PPP1R10: variants seen among roughly 807,000 people sequenced by gnomAD.
PPP1R10 encodes protein phosphatase 1 regulatory subunit 10.
Under a neutral mutation model 99.0 loss-of-function variants are expected in PPP1R10, and 15 were observed. The ratio of observed to expected loss-of-function variants is 0.15; its 90% CI spans 0.10 to 0.23. PPP1R10 has a LOEUF of 0.23. PPP1R10 is among the 10% of genes least tolerant of loss of function. The pLI, the probability that PPP1R10 is intolerant of heterozygous loss-of-function variation, is 1.00. For missense variants in PPP1R10, 947 were observed against 1,259.4 expected (o/e 0.75, Z 3.75); for synonymous variants, 430 against 449.5 (o/e 0.96, Z 0.55).
Position 30,603,190 on chromosome 6 carries a change from G to C in PPP1R10, c.1843+20C>G, listed in dbSNP as rs769850979. On this transcript the variant is annotated intron_variant, in intron 17 of 19. Coordinates refer to ENST00000376511, the MANE Select transcript of PPP1R10 (RefSeq NM_002714.4). ...GCAGGCTTCCTCCCCCAGTCCCCTGGGGCTGGCCCTGAAGATTACCCAGCA... is the reference window on the plus strand; with the variant it reads ...GCAGGCTTCCTCCCCCAGTCCCCTGCGGCTGGCCCTGAAGATTACCCAGCA... 6.2e-7 allele frequency: 1 copy of C among 1,600,986 alleles called. No individual in the cohort carries two copies. The highest frequency in any genetic ancestry group is 1.3e-5 in the African/African-American group (1 of 74,558).
In PPP1R10 at chr6:30,602,290, G is replaced by A. The variant is rs1803418333; in HGVS notation, c.2359C>T (p.Pro787Ser). The A allele has an allele frequency of 2.5e-6, 4 of 1,612,366 alleles. No individual in the cohort carries two copies. The highest frequency in any genetic ancestry group is 3.3e-5 in the Admixed American group (2 of 59,962). The change falls in exon 19 of 20, where the codon CCT (proline) becomes TCT (serine). Residue 787 changes from proline to serine, a missense_variant. Physicochemically the swap from Pro to Ser is moderately conservative, Grantham distance 74. Coordinates refer to ENST00000376511, the MANE Select transcript of PPP1R10 (RefSeq NM_002714.4). This position sits in a 1 kb window ranked among gnomAD's most constrained non-coding sequence, Gnocchi z 6.7. ...CCACCCCCACCCATGCTACCACCAG[G>A]GCCTTCATGGGGGCGATGCCCACTT... is the stretch of plus-strand genomic sequence containing the variant. ...MGSGHRPHEG[P>S]GGSMGGGGGH...
At chr6:30,608,336 C>T (rs1382866124) in intron 5 of PPP1R10, among the ~76,000 whole-genome samples, 1 of 148,874 alleles carries the variant, frequency 6.7e-6, no homozygotes, top group Non-Finnish European at 1.5e-5. Flanking sequence ...AAGTCTCACT[C>T]TGTCGCCCAG....
chr6:30,611,098 CAGG>C (rs1445268863), intron 2 of PPP1R10, among the ~76,000 whole-genome samples: 1 of 152,182 alleles, frequency 6.6e-6, no homozygotes, highest in East Asian at 1.9e-4. Context: ...TCCTTGAGCG[CAGG>C]AGTTTGAAAC....
rs1430327287 is a variant in PPP1R10 at position 30,604,138 on chromosome 6, G to A, written c.1378C>T (p.Pro460Ser). 1.9e-6 allele frequency: 3 copies of A among 1,613,982 alleles called. No individual in the cohort carries two copies. Among genetic ancestry groups the A allele is most frequent in the African/African-American group, 1.3e-5 (1 of 74,874 alleles). The change falls in exon 14 of 20, where the codon CCC (proline) becomes TCC (serine). Residue 460 changes from proline to serine, a missense_variant. This residue lies in a region of PPP1R10 where 50 missense variants were observed against 78.6 expected (regional missense o/e 0.64). Transcript: ENST00000376511. This position sits in a 1 kb window ranked among gnomAD's most constrained non-coding sequence, Gnocchi z 7.3. The part of the protein sequence containing the change: ...LSHDNMEEKV[P>S]WVCPRPLVLP... ...ACCAGGGGCCGGGGGCACACCCAGG[G>A]CACCTTCTCCTCCATGTTATCATGG... is the stretch of plus-strand genomic sequence containing the variant.
chr6:30,608,656 CTATT>C (rs1804221566), intron 5 of PPP1R10, 119 bp downstream of exon 5: 2 of 1,249,950 alleles, frequency 1.6e-6, no homozygotes, highest in Non-Finnish European at 1.1e-6. Context: ...TTCTAAATTC[CTATT>C]TTTTTTCTGC....
Position 30,602,485 on chromosome 6 carries a change from A to G in PPP1R10, c.2164T>C (p.Phe722Leu). ...GAGCGACCTCCTCTGGCGCCTCGGA[A>G]TGGAGGAGGAGGAGGAGGAGGTTCG... ...GNEPPPPPPP[F>L]RGARGGRSGG... Residue 722 changes from phenylalanine (F) to leucine (L), a missense_variant, in exon 19 of 20, where the codon TTC (phenylalanine) becomes CTC (leucine). Phe to Leu is a conservative substitution (Grantham distance 22). This residue lies in a region of PPP1R10 where 525 missense variants were observed against 578.8 expected (regional missense o/e 0.91). Coordinates refer to ENST00000376511, the MANE Select transcript of PPP1R10 (RefSeq NM_002714.4). The surrounding 1 kb of genome is among the most constrained non-coding windows in gnomAD (Gnocchi z 6.7). 1 of 1,569,350 alleles carries G rather than the reference A, an allele frequency of 6.4e-7. No homozygotes were observed. Among genetic ancestry groups the G allele is most frequent in the Non-Finnish European group, 8.7e-7 (1 of 1,153,850 alleles).
chr6:30,603,984 G>C (rs1033834991), intron 14 of PPP1R10, 24 bp downstream of exon 14: 2 of 1,558,392 alleles, frequency 1.3e-6, no homozygotes, highest in African/African-American at 2.7e-5. Flanking sequence ...CAACATCCCA[G>C]GGCACGAACC....
Position 30,602,938 on chromosome 6 carries a change from G to A in PPP1R10, c.1865C>T (p.Pro622Leu). 6.4e-7 allele frequency: 1 copy of A among 1,551,670 alleles called. No individual in the cohort carries two copies. The highest frequency in any genetic ancestry group is 8.7e-7 in the Non-Finnish European group (1 of 1,146,998). ...QMLVPHGLLGPGPIANGFPPG... is the reference protein window; with the variant it reads ...QMLVPHGLLGLGPIANGFPPG... ...TGGGAAACCATTGGCTATTGGGCCA[G>A]GGCCTAGGAGTCCATGTGGCACTGT... The change falls in exon 18 of 20, where the codon CCT (proline) becomes CTT (leucine). Residue 622 changes from proline to leucine, a missense_variant. By Grantham distance (98) the Pro-to-Leu change is moderately conservative. Around this residue, in one of 10 missense-constraint regions of PPP1R10, gnomAD observed 525 missense variants for 578.8 expected, o/e 0.91. Transcript: ENST00000376511. This position sits in a 1 kb window ranked among gnomAD's most constrained non-coding sequence, Gnocchi z 6.7.
In PPP1R10 at chr6:30,602,189, G is replaced by A. The variant is rs780759046; in HGVS notation, c.2460C>T (p.Gly820=). ...GTCCACCACCGGCACCCATTCCTCC[G>A]CCAGGGCCTTCATGGGGACGATGGC... is the stretch of plus-strand genomic sequence containing the variant. ...GSGHRPHEGP[G]GGMGAGGGHR... The change falls in exon 19 of 20, where the codon GGC becomes GGT. Residue 820 remains glycine (G), a synonymous_variant. Coordinates refer to ENST00000376511, the MANE Select transcript of PPP1R10 (RefSeq NM_002714.4). This position sits in a 1 kb window ranked among gnomAD's most constrained non-coding sequence, Gnocchi z 6.7. 2.3e-5 allele frequency: 37 copies of A among 1,607,326 alleles called. No homozygotes were observed. The highest frequency in any genetic ancestry group is 3.3e-4 in the Middle Eastern group (2 of 6,048).
intron 2 of PPP1R10, 36 bp downstream of exon 2, chr6:30,616,442 T>C (rs904762232): frequency 6.6e-6 from 1 of 152,616 alleles, no homozygotes; most frequent in Non-Finnish European, 1.5e-5. Flanking sequence ...GTTGATTTCT[T>C]GTTGCAAGGC....
Position 30,604,631 on chromosome 6 carries a change from G to A in PPP1R10, c.1059C>T (p.Gly353=). The A allele has an allele frequency of 1.2e-6, 2 of 1,613,126 alleles. No individual in the cohort carries two copies. ...GGACTTCAACAGGGGGAACCGGGGT[G>A]CCTGGACGGTCTGCGTCCATTGCCT... is the stretch of plus-strand genomic sequence containing the variant. The part of the protein sequence containing the change: ...PSEAMDADRP[G]TPVPPVEVPE... Residue 353 remains glycine, a synonymous_variant, in exon 12 of 20, where the codon GGC becomes GGT. Coordinates refer to ENST00000376511, the MANE Select transcript of PPP1R10 (RefSeq NM_002714.4). The surrounding 1 kb of genome is among the most constrained non-coding windows in gnomAD (Gnocchi z 7.3).
At chr6:30,601,794 G>A (rs1582633940) in intron 19 of PPP1R10, 136 bp from the exon 20 acceptor site, 70 of 1,285,166 alleles carry the variant, frequency 5.4e-5, no homozygotes, top group Middle Eastern at 1.9e-4. Flanking sequence ...GCATAGAGTA[G>A]GAACTGCTAT....
At position 30,616,667 on chromosome 6, in the gene PPP1R10, G is replaced by A. The variant is rs1365181731; in HGVS notation, c.-201C>T. ...TTTCCCCCCCACCCAACTCCATTTA[G>A]GGAGGGGGGTCGCAGAAAAAAGTTC... On this transcript the variant is annotated 5_prime_UTR_variant, in exon 2 of 20. Coordinates refer to ENST00000376511, the MANE Select transcript of PPP1R10 (RefSeq NM_002714.4). 6.6e-6 allele frequency: 1 copy of A among 152,180 alleles called. No homozygotes were observed. The highest frequency in any genetic ancestry group is 2.4e-5 in the African/African-American group (1 of 41,422). 9.4% of individuals were successfully genotyped at this position (152,180 alleles called of 1,614,324 possible).
Position 30,606,080 on chromosome 6 carries a change from C to T in PPP1R10, c.741-45G>A. Reference sequence around the variant, plus strand: ...CATCAACATCTCCGACTCACCCCCTCCTGCTCCCTTGTGTCCACAGATCCA... The same window carrying T: ...CATCAACATCTCCGACTCACCCCCTTCTGCTCCCTTGTGTCCACAGATCCA... On this transcript the variant is annotated intron_variant, in intron 9 of 19. Coordinates refer to ENST00000376511, the MANE Select transcript of PPP1R10 (RefSeq NM_002714.4). This position sits in a 1 kb window ranked among gnomAD's most constrained non-coding sequence, Gnocchi z 6.3. The T allele has an allele frequency of 6.2e-7, 1 of 1,612,858 alleles. No homozygotes were observed.
Position 30,603,489 on chromosome 6 carries a change from T to G in PPP1R10, c.1750A>C (p.Ile584Leu). ...PGGGGINVQE[I>L]LTSIMGSPNS... ...GTGCGTACCATGATGGAGGTGAGGATCTCTTGGACATTAATGCCTCCTCCT... is the reference window on the plus strand; with the variant it reads ...GTGCGTACCATGATGGAGGTGAGGAGCTCTTGGACATTAATGCCTCCTCCT... The change falls in exon 16 of 20, where the codon ATC (isoleucine) becomes CTC (leucine). Residue 584 changes from isoleucine to leucine, a missense_variant. Transcript: ENST00000376511. 6.2e-7 allele frequency: 1 copy of G among 1,610,110 alleles called. No individual in the cohort carries two copies. Among genetic ancestry groups the G allele is most frequent in the Non-Finnish European group, 8.5e-7 (1 of 1,178,250 alleles).
In PPP1R10 at chr6:30,604,697, G is replaced by A. The variant is rs999765136; in HGVS notation, c.993C>T (p.Ser331=). Reference sequence around the variant, plus strand: ...GTTCTGGGGAAGAAGGTTTGGCTGTGCTTGGTTCTGTGCTCGTTTTCCCTT... The same window carrying A: ...GTTCTGGGGAAGAAGGTTTGGCTGTACTTGGTTCTGTGCTCGTTTTCCCTT... ...PFEGKTSTEP[S]TAKPSSPEPA... The change falls in exon 12 of 20, where the codon AGC becomes AGT. Residue 331 remains serine (S), a synonymous_variant. Coordinates refer to ENST00000376511, the MANE Select transcript of PPP1R10 (RefSeq NM_002714.4). This position sits in a 1 kb window ranked among gnomAD's most constrained non-coding sequence, Gnocchi z 7.3. 8 of 1,613,116 alleles carry A rather than the reference G, an allele frequency of 5.0e-6. No homozygotes were observed. The highest frequency in any genetic ancestry group is 5.9e-6 in the Non-Finnish European group (7 of 1,180,038).
Position 30,604,350 on chromosome 6 carries a change from T to A in PPP1R10, c.1261+3A>T. On this transcript the variant is annotated splice_donor_region_variant and intron_variant, in intron 13 of 19. Coordinates refer to ENST00000376511, the MANE Select transcript of PPP1R10 (RefSeq NM_002714.4). The surrounding 1 kb of genome is among the most constrained non-coding windows in gnomAD (Gnocchi z 7.3). Reference sequence around the variant, plus strand: ...ACCTATTACGTAGGAAATGACCTCTTACCTCGTTCAGTTTCATCCAATTCA... The same window carrying A: ...ACCTATTACGTAGGAAATGACCTCTAACCTCGTTCAGTTTCATCCAATTCA... The A allele has an allele frequency of 6.2e-7, 1 of 1,614,194 alleles. No individual in the cohort carries two copies. Among genetic ancestry groups the A allele is most frequent in the Non-Finnish European group, 8.5e-7 (1 of 1,180,026 alleles).
intron 2 of PPP1R10, among the ~76,000 whole-genome samples, chr6:30,613,237 T>TA (rs1582672961): frequency 6.6e-6 from 1 of 152,220 alleles, no homozygotes; most frequent in Admixed American, 6.5e-5. Context: ...CCAGCATAGC[T>TA]AAAGTTATTC....
In PPP1R10 at chr6:30,604,597, T is replaced by C; in HGVS notation, c.1093A>G (p.Met365Val). Residue 365 changes from methionine (M) to valine (V), a missense_variant, in exon 12 of 20, where the codon ATG becomes GTG. Met to Val is a conservative substitution (Grantham distance 21, BLOSUM62 1). This residue lies in a region of PPP1R10 where 100 missense variants were observed against 105.8 expected (regional missense o/e 0.94). Coordinates refer to ENST00000376511, the MANE Select transcript of PPP1R10 (RefSeq NM_002714.4). The surrounding 1 kb of genome is among the most constrained non-coding windows in gnomAD (Gnocchi z 7.3). ...PVPPVEVPEL[M>V]DTASLEPGAL... ...CCAGTTTCTAGATTACCTGTATCCA[T>C]GAGCTCCGGGACTTCAACAGGGGGA... The C allele has an allele frequency of 6.2e-7, 1 of 1,612,620 alleles. No homozygotes were observed.
Sources: allele counts gnomAD v4.1 joint callset (sites outside exome capture counted in the v4.1 genomes callset), GRCh38; gene constraint gnomAD v4.1.1; regional missense constraint gnomAD v4.1.1; non-coding constraint Gnocchi (gnomAD v3.1); transcripts MANE v1.5; gene names NCBI Gene and HGNC (gene_info 2026-07-23, HGNC 2026-07-21).